The following CCDC175 variants were observed in gnomAD, a reference collection of about 807,000 sequenced individuals.
CCDC175 encodes coiled-coil domain containing 175, also known as coiled-coil domain-containing protein 175.
A neutral mutation model predicts 114.6 loss-of-function variants in CCDC175; 100 were observed. The observed-to-expected ratio is 0.87, with a 90% CI of 0.74 to 1.03. The LOEUF is 1.03. Ranked by LOEUF, CCDC175 falls within the 50% of genes least tolerant of loss-of-function variation. The pLI, the probability that CCDC175 is intolerant of heterozygous loss-of-function variation, is 0.00. For synonymous variants in CCDC175, 306 were observed against 308.7 expected (o/e 0.99, Z 0.09); for missense variants, 880 against 917.8 (o/e 0.96, Z 0.53).
intron 18 of CCDC175, 59 bp downstream of exon 18, chr14:59,511,701 G>C (rs114205920): frequency 7.3e-7 from 1 of 1,374,524 alleles, no homozygotes; most frequent in African/African-American, 1.4e-5. Context: ...TATTAGGTAG[G>C]TAAACATTTT....
intron 16 of CCDC175, among the ~76,000 whole-genome samples, chr14:59,523,983 C>T (rs1033433866): frequency 6.9e-6 from 1 of 144,062 alleles, no homozygotes; most frequent in Non-Finnish European, 1.5e-5. Flanking sequence ...AGCAAGACTC[C>T]GTCTCAAAAA....
At chr14:59,564,643 T>G (rs1019406449) in intron 5 of CCDC175, among the ~76,000 whole-genome samples, 9 of 151,918 alleles carry the variant, frequency 5.9e-5, no homozygotes, top group Non-Finnish European at 1.3e-4. Context: ...GCTGCTGCTC[T>G]CTCTGATTCA....
At position 59,538,734 on chromosome 14, in the gene CCDC175, C is replaced by T; in HGVS notation, c.1462G>A (p.Glu488Lys). The T allele has an allele frequency of 6.5e-7, 1 of 1,536,402 alleles. No homozygotes were observed. Among genetic ancestry groups the T allele is most frequent in the Non-Finnish European group, 8.7e-7 (1 of 1,146,584 alleles). ...TTAAGTAATTCAATTCGTCTAACTT[C>T]TGCATTCTGAATTTTTTCTGTAATA... Reference protein sequence around the residue: ...QAITEKIQNAEVRRIELLNET... With the variant: ...QAITEKIQNAKVRRIELLNET... Residue 488 changes from glutamate (E) to lysine (K), a missense_variant, in exon 12 of 20, where the codon GAA becomes AAA. Coordinates refer to ENST00000537690, the MANE Select transcript of CCDC175 (RefSeq NM_001164399.2).
At chr14:59,526,853 G>A (rs912383597) in intron 15 of CCDC175, among the ~76,000 whole-genome samples, 5 of 152,060 alleles carry the variant, frequency 3.3e-5, no homozygotes, top group Non-Finnish European at 7.4e-5. Context: ...CTCTTTCTCT[G>A]TATACATATA....
chr14:59,545,468 T>C (rs1895045668), intron 8 of CCDC175, among the ~76,000 whole-genome samples, 169 bp from the exon 9 acceptor site: 1 of 152,144 alleles, frequency 6.6e-6, no homozygotes, highest in Non-Finnish European at 1.5e-5. Flanking sequence ...ACTGTATATT[T>C]TGAGACCTCT....
At chr14:59,557,574 C>G (rs1430324993) in intron 7 of CCDC175, among the ~76,000 whole-genome samples, 1 of 150,936 alleles carries the variant, frequency 6.6e-6, no homozygotes, top group Admixed American at 6.6e-5. Context: ...ATGTAACAAA[C>G]CTGCATGTTG....
intron 14 of CCDC175, among the ~76,000 whole-genome samples, chr14:59,528,719 T>G (rs1257510073): frequency 6.6e-6 from 1 of 152,186 alleles, no homozygotes; most frequent in African/African-American, 2.4e-5. Context: ...CAGAATAGTT[T>G]TTAAATTTTC....
chr14:59,545,103 A>G, intron 9 of CCDC175, 60 bp downstream of exon 9: 1 of 1,454,366 alleles, frequency 6.9e-7, no homozygotes, highest in South Asian at 1.3e-5. Flanking sequence ...CCACTTTGAT[A>G]GCAAGAAAAG....
chr14:59,516,931 G>T (rs983972858), intron 17 of CCDC175, among the ~76,000 whole-genome samples: 1 of 152,126 alleles, frequency 6.6e-6, no homozygotes, highest in Non-Finnish European at 1.5e-5. Flanking sequence ...TAAAATACTG[G>T]CAATCCGAAT....
chr14:59,513,333 G>A (rs920346684), intron 17 of CCDC175, among the ~76,000 whole-genome samples: 2 of 152,160 alleles, frequency 1.3e-5, no homozygotes, highest in Admixed American at 1.3e-4. Flanking sequence ...GACAGTGGGT[G>A]CAGTGCACCG....
chr14:59,521,522 T>C (rs187857867), intron 17 of CCDC175, 52 bp downstream of exon 17: 32 of 974,738 alleles, frequency 3.3e-5, no homozygotes. Flanking sequence ...ATCCTATTAG[T>C]TCTGTCCCGC....
intron 14 of CCDC175, among the ~76,000 whole-genome samples, chr14:59,527,988 T>A (rs1042195277): frequency 3.3e-5 from 5 of 152,178 alleles, no homozygotes; most frequent in Non-Finnish European, 7.4e-5. Context: ...TTTCTTATAC[T>A]CTTTTTCTTG....
chr14:59,507,981 G>C (rs1439058723), intron 19 of CCDC175, among the ~76,000 whole-genome samples: 1 of 152,102 alleles, frequency 6.6e-6, no homozygotes, highest in East Asian at 1.9e-4. Context: ...GCCACCAAAA[G>C]GTTTGCTGAG....
intron 6 of CCDC175, 143 bp from the exon 7 acceptor site, chr14:59,561,371 A>G (rs1896220628): frequency 2.2e-6 from 1 of 464,970 alleles, no homozygotes; most frequent in South Asian, 5.1e-5. Flanking sequence ...CAATCATTAT[A>G]ATTGTTTCTC....
In CCDC175 at chr14:59,563,472, T is replaced by C. The variant is rs560044767; in HGVS notation, c.843+265A>G. Among the ~76,000 whole-genome samples the C allele has an allele frequency of 5.1e-4, 78 of 152,316 alleles. 1 individual carries two copies. In the South Asian group the frequency reaches 8.1e-3, roughly 16 times the overall value. On this transcript the variant is annotated intron_variant, in intron 6 of 19. Transcript: ENST00000537690. ...GTATCAATACATTTGGTTAGTTCTG[T>C]ATATTTTTTTAAATCAATATTTTAA...
At chr14:59,548,747 C>A in intron 8 of CCDC175, among the ~76,000 whole-genome samples, 1 of 152,168 alleles carries the variant, frequency 6.6e-6, no homozygotes, top group East Asian at 1.9e-4. Context: ...GGTATCCTTG[C>A]AAATAAAAGA....
chr14:59,511,877 T>C, intron 17 of CCDC175, 74 bp from the exon 18 acceptor site: 3 of 1,169,706 alleles, frequency 2.6e-6, no homozygotes, highest in Non-Finnish European at 3.6e-6. Context: ...GTGTTATTCA[T>C]TTTTGTTTTT....
intron 5 of CCDC175, 33 bp downstream of exon 5, chr14:59,565,014 A>C (rs565084714): frequency 7.3e-7 from 1 of 1,375,220 alleles, no homozygotes; most frequent in African/African-American, 1.5e-5. Context: ...TCTATACATT[A>C]TTGTATTTTA....
chr14:59,576,362 A>C (rs17255940), intron 1 of CCDC175, among the ~76,000 whole-genome samples: 82,550 of 152,032 alleles, frequency 0.54, 22,845 homozygotes, highest in East Asian at 0.84. Context: ...GGAGTCCCGG[A>C]TTTGTCACCT....
Sources: gnomAD v4.1 joint callset for allele counts (sites outside exome capture counted in the v4.1 genomes callset) on GRCh38, gnomAD v4.1.1 for gene constraint, MANE v1.5 for transcripts, NCBI Gene and HGNC (gene_info 2026-07-23, HGNC 2026-07-21) for gene names.